ZMYND8: variants seen among roughly 807,000 people sequenced by gnomAD.
ZMYND8 encodes MYND-type zinc finger-containing chromatin reader ZMYND8.
A neutral mutation model predicts 140.8 loss-of-function variants in ZMYND8; 37 were observed. The ratio of observed to expected loss-of-function variants is 0.26; its 90% CI spans 0.20 to 0.35. The LOEUF (loss-of-function observed/expected upper bound fraction) is 0.35. ZMYND8 is among the 10% of genes least tolerant of loss of function. ZMYND8 has a pLI of 1.00. For synonymous variants in ZMYND8, 592 were observed against 597.1 expected (o/e 0.99, Z 0.12); for missense variants, 1,068 against 1,570.0 (o/e 0.68, Z 5.40).
rs149998271 is a variant in ZMYND8, at chr20:47,314,623, C to A, written c.86-4419G>T. 1.2e-3 allele frequency among the ~76,000 whole-genome samples: 182 copies of A among 152,324 alleles called. 2 individuals are homozygous for A. Among genetic ancestry groups the A allele is most frequent in the African/African-American group, 4.2e-3 (176 of 41,572 alleles). On this transcript the variant is annotated intron_variant, in intron 2 of 22. Coordinates refer to ENST00000471951, the MANE Select transcript of ZMYND8 (RefSeq NM_001281775.3). ...AAGTCCTCCCGAAGACTGGGAGGTA[C>A]ACTAGTTTGAGGAACGCTAGGGTAT... is the stretch of plus-strand genomic sequence containing the variant.
At chr20:47,283,728 G>T in intron 8 of ZMYND8, 80 bp from the exon 9 acceptor site, 3 of 1,424,528 alleles carry the variant, frequency 2.1e-6, no homozygotes, top group Non-Finnish European at 2.9e-6. Flanking sequence ...TGATGATTTT[G>T]AAGGTTAAGA....
At chr20:47,248,412 C>T (rs760983069) in intron 13 of ZMYND8, among the ~76,000 whole-genome samples, 39 of 152,230 alleles carry the variant, frequency 2.6e-4, no homozygotes, top group Admixed American at 2.6e-4. Context: ...CTGTTGTCCT[C>T]TGGATAGCCC....
At chr20:47,277,042 T>C (rs552425268) in intron 10 of ZMYND8, among the ~76,000 whole-genome samples, 2 of 152,338 alleles carry the variant, frequency 1.3e-5, no homozygotes, top group Admixed American at 6.5e-5. Flanking sequence ...ACTTAGTCAT[T>C]GTGAGCCACT....
At chr20:47,226,176 G>A (rs1271501059) in intron 18 of ZMYND8, among the ~76,000 whole-genome samples, 3 of 149,146 alleles carry the variant, frequency 2.0e-5, no homozygotes, top group Non-Finnish European at 3.0e-5. Context: ...AAAGGAAAAC[G>A]AGAAGCAACA....
chr20:47,217,267 A>C (rs927075682), intron 21 of ZMYND8, among the ~76,000 whole-genome samples: 4 of 152,184 alleles, frequency 2.6e-5, no homozygotes, highest in African/African-American at 9.7e-5. Flanking sequence ...AAGTGCCATT[A>C]CTCAGCCATT....
chr20:47,239,586 G>C (rs1477322226), intron 14 of ZMYND8, among the ~76,000 whole-genome samples: 1 of 152,228 alleles, frequency 6.6e-6, no homozygotes, highest in African/African-American at 2.4e-5. Flanking sequence ...GCTAGGGAAC[G>C]TAGAAAGCAA....
intron 3 of ZMYND8, among the ~76,000 whole-genome samples, chr20:47,307,857 C>T (rs1367493979): frequency 4.0e-5 from 6 of 151,716 alleles, no homozygotes; most frequent in Non-Finnish European, 5.9e-5. Context: ...CGGTGGCTCA[C>T]GCCTGTAATC....
intron 16 of ZMYND8, among the ~76,000 whole-genome samples, chr20:47,233,338 T>C (rs2038800511): frequency 6.6e-6 from 1 of 150,810 alleles, no homozygotes; most frequent in Non-Finnish European, 1.5e-5. Context: ...GCCTCCCGAA[T>C]AGCTGAGACT....
intron 10 of ZMYND8, among the ~76,000 whole-genome samples, chr20:47,280,139 A>AG (rs35171999): frequency 0.23 from 34,296 of 148,770 alleles, 4,391 homozygotes; most frequent in Non-Finnish European, 0.29. Context: ...AAAAAAAAAA[A>AG]AAAAGAATGG....
rs570056281 is a variant in ZMYND8, at chr20:47,313,008, T to C, written c.86-2804A>G. Among the ~76,000 whole-genome samples, 77 of 152,276 alleles carry C rather than the reference T, an allele frequency of 5.1e-4. 1 individual carries two copies. In the Middle Eastern group the frequency reaches 0.017, roughly 34 times the overall value. On this transcript the variant is annotated intron_variant, in intron 2 of 22. Coordinates refer to ENST00000471951, the MANE Select transcript of ZMYND8 (RefSeq NM_001281775.3). Reference sequence around the variant, plus strand: ...AGGCAAGATGACTGCACTGCAGCACTGTGGGCTGTACCCAAAGCACTTGAA... The same window carrying C: ...AGGCAAGATGACTGCACTGCAGCACCGTGGGCTGTACCCAAAGCACTTGAA...
At chr20:47,214,850 C>T (rs1287809788) in intron 21 of ZMYND8, among the ~76,000 whole-genome samples, 1 of 152,144 alleles carries the variant, frequency 6.6e-6, no homozygotes, top group East Asian at 1.9e-4. Flanking sequence ...CAATCTTTAT[C>T]CAAACCCTGG....
At chr20:47,234,118 G>A (rs146543559) in intron 16 of ZMYND8, among the ~76,000 whole-genome samples, 4 of 152,240 alleles carry the variant, frequency 2.6e-5, no homozygotes, top group African/African-American at 4.8e-5. Context: ...GCAAGATCTC[G>A]GCTCACTGCA....
chr20:47,345,664 C>T (rs967793122), intron 2 of ZMYND8, among the ~76,000 whole-genome samples: 3 of 152,006 alleles, frequency 2.0e-5, no homozygotes, highest in Admixed American at 6.6e-5. Flanking sequence ...CATGCTGCCA[C>T]GCCCAGATAA....
rs938331481 is a variant in ZMYND8 at position 47,298,193 on chromosome 20, A to G, written c.453+536T>C. 2.2e-5 allele frequency: 20 copies of G among 891,832 alleles called. No individual in the cohort carries two copies. The highest frequency in any genetic ancestry group is 2.7e-5 in the Non-Finnish European group (20 of 744,862). The allele number at this position is 891,832 out of a possible 1,614,324, so 55.2% of individuals were successfully genotyped here. A position where few individuals can be genotyped will look rare whatever the true frequency, so the allele number is the denominator to read the frequency against. ...TGTCCTTTTCTGCTGGAAAAAAAAA[A>G]ATGATCCATGCCTGTTTTTGTGCAC... On this transcript the variant is annotated intron_variant, in intron 4 of 22. Coordinates refer to ENST00000471951, the MANE Select transcript of ZMYND8 (RefSeq NM_001281775.3). This position sits in a 1 kb window ranked among gnomAD's most constrained non-coding sequence, Gnocchi z 5.0.
intron 21 of ZMYND8, among the ~76,000 whole-genome samples, chr20:47,213,494 G>C (rs1386644317): frequency 6.6e-6 from 1 of 152,198 alleles, no homozygotes; most frequent in Non-Finnish European, 1.5e-5. Flanking sequence ...TTGTCACACT[G>C]CAACTTTTTA....
intron 3 of ZMYND8, among the ~76,000 whole-genome samples, chr20:47,301,677 TTAAG>T (rs1478383956): frequency 6.6e-6 from 1 of 152,024 alleles, no homozygotes; most frequent in Non-Finnish European, 1.5e-5. Flanking sequence ...TCCAAAATCC[TTAAG>T]TTTTTGAGCA....
chr20:47,349,824 G>A, intron 1 of ZMYND8: 1 of 1,532,270 alleles, frequency 6.5e-7, no homozygotes, highest in Middle Eastern at 1.7e-4. Flanking sequence ...AGTGGTGAGG[G>A]AAACAATTAT....
rs182476520 is a variant in ZMYND8, at chr20:47,305,753, A to C, written c.234+4303T>G. On this transcript the variant is annotated intron_variant, in intron 3 of 22. Transcript: ENST00000471951. ...AGATGCACCTAAGGCCATTCTGTACAAATCTGCTGGCACGTTATTTCTCAA... is the reference window on the plus strand; with the variant it reads ...AGATGCACCTAAGGCCATTCTGTACCAATCTGCTGGCACGTTATTTCTCAA... 4.9e-3 allele frequency among the ~76,000 whole-genome samples: 744 copies of C among 152,290 alleles called. 5 individuals are homozygous for C. Among genetic ancestry groups the C allele is most frequent in the African/African-American group, 0.017 (715 of 41,552 alleles).
intron 2 of ZMYND8, among the ~76,000 whole-genome samples, chr20:47,329,006 C>A (rs1293742013): frequency 2.0e-5 from 3 of 152,042 alleles, no homozygotes; most frequent in African/African-American, 7.2e-5. Flanking sequence ...AGGGGCCTGG[C>A]AAAAAGGGAA....
Sources: gnomAD v4.1 joint callset for allele counts (sites outside exome capture counted in the v4.1 genomes callset) on GRCh38, gnomAD v4.1.1 for gene constraint, Gnocchi (gnomAD v3.1) non-coding constraint, MANE v1.5 for transcripts, NCBI Gene and HGNC (gene_info 2026-07-23, HGNC 2026-07-21) for gene names.